Variants in TOX observed in about 807,000 individuals in gnomAD.
The protein encoded by TOX is thymocyte selection associated high mobility group box.
Under a neutral mutation model 53.7 loss-of-function variants are expected in TOX, and 11 were observed. That is an observed-to-expected ratio of 0.20 (90% confidence interval 0.13 to 0.34). TOX has a LOEUF of 0.34. TOX is among the 10% of genes least tolerant of loss of function. The pLI is 1.00. For missense variants in TOX, 570 were observed against 664.6 expected (o/e 0.86, Z 1.56); for synonymous variants, 225 against 245.3 (o/e 0.92, Z 0.77).
chr8:58,874,423 ACTTTGTGAGCG>A (rs1348027283), intron 3 of TOX, among the ~76,000 whole-genome samples: 1 of 152,028 alleles, frequency 6.6e-6, no homozygotes, highest in Non-Finnish European at 1.5e-5. Context: ...GCTTCCTAAG[ACTTTGTGAGCG>A]CTAAGGTAAC....
intron 7 of TOX, among the ~76,000 whole-genome samples, chr8:58,813,344 G>A (rs751287268): frequency 5.9e-5 from 9 of 152,174 alleles, no homozygotes; most frequent in Non-Finnish European, 7.4e-5. Context: ...GCTCCAGCCC[G>A]CAGCATGGTG....
At chr8:59,083,392 C>T (rs1804446605) in intron 1 of TOX, among the ~76,000 whole-genome samples, 1 of 152,020 alleles carries the variant, frequency 6.6e-6, no homozygotes, top group Non-Finnish European at 1.5e-5. Context: ...TATCAACAAT[C>T]AAATAATATT....
At chr8:58,975,014 C>T (rs956679940) in intron 1 of TOX, among the ~76,000 whole-genome samples, 4 of 151,536 alleles carry the variant, frequency 2.6e-5, no homozygotes, top group African/African-American at 7.3e-5. Context: ...TCACAGTATG[C>T]ATTATTTTTT....
At chr8:59,057,615 C>T (rs1423570327) in intron 1 of TOX, among the ~76,000 whole-genome samples, 2 of 152,044 alleles carry the variant, frequency 1.3e-5, no homozygotes, top group African/African-American at 4.8e-5. Flanking sequence ...ATTCTCTCCG[C>T]CCCCCGCCTT....
At chr8:59,102,781 TGGAA>T in intron 1 of TOX, among the ~76,000 whole-genome samples, 1 of 152,068 alleles carries the variant, frequency 6.6e-6, no homozygotes, top group Non-Finnish European at 1.5e-5. Flanking sequence ...CTGCCTGTGG[TGGAA>T]GGAAGAGAAG....
chr8:59,093,232 G>T (rs1192411336), intron 1 of TOX, among the ~76,000 whole-genome samples: 2 of 152,200 alleles, frequency 1.3e-5, no homozygotes, highest in Non-Finnish European at 1.5e-5. Context: ...CTTACTGGTT[G>T]TGAGTTCTTT....
At chr8:59,100,724 G>C (rs1804792113) in intron 1 of TOX, among the ~76,000 whole-genome samples, 1 of 151,962 alleles carries the variant, frequency 6.6e-6, no homozygotes. Context: ...AATGAACACG[G>C]ATTATTTGAC....
chr8:58,836,670 G>T (rs972611551), intron 5 of TOX, among the ~76,000 whole-genome samples: 1 of 152,126 alleles, frequency 6.6e-6, no homozygotes, highest in African/African-American at 2.4e-5. Flanking sequence ...GAGGGACCTG[G>T]AAGAGCAAGT....
At chr8:58,899,168 G>A (rs865972701) in intron 3 of TOX, among the ~76,000 whole-genome samples, 18 of 152,308 alleles carry the variant, frequency 1.2e-4, no homozygotes, top group Middle Eastern at 3.4e-3. Context: ...GTAAAGATCT[G>A]TAAGGTACAG....
chr8:58,845,611 T>C (rs141106206), intron 4 of TOX, among the ~76,000 whole-genome samples: 216 of 152,270 alleles, frequency 1.4e-3, no homozygotes, highest in African/African-American at 5.0e-3. Context: ...AAAATGCATA[T>C]GAAGTGCTAT....
At position 59,118,127 on chromosome 8, in the gene TOX, G is replaced by A. The variant is rs1174571446; in HGVS notation, c.102+759C>T. Among the ~76,000 whole-genome samples, 1 of 152,184 alleles carries A rather than the reference G, an allele frequency of 6.6e-6. No individual in the cohort carries two copies. The highest frequency in any genetic ancestry group is 1.5e-5 in the Non-Finnish European group (1 of 68,030). On this transcript the variant is annotated intron_variant, in intron 1 of 8. Transcript: ENST00000361421. This position sits in a 1 kb window ranked among gnomAD's most constrained non-coding sequence, Gnocchi z 4.1. ...CGCGGCCCTGGCACCCGAGGTCAGC[G>A]GGCCGTGGGTACAGCTCAGCCGCGG...
In TOX at chr8:58,979,956, C is replaced by T. The variant is rs111925563; in HGVS notation, c.103-19948G>A. The stretch of plus-strand genomic sequence containing the variant: ...TCAACAAATGCAACTATTATCTTTA[C>T]ATTAACTTTATCATTTAAAAGATCC... On this transcript the variant is annotated intron_variant, in intron 1 of 8. Transcript: ENST00000361421. 5.3e-5 allele frequency among the ~76,000 whole-genome samples: 8 copies of T among 152,326 alleles called. 1 individual carries two copies. Among genetic ancestry groups the T allele is most frequent in the African/African-American group, 1.4e-4 (6 of 41,588 alleles).
chr8:58,827,344 A>G (rs578243559), intron 5 of TOX, among the ~76,000 whole-genome samples: 175 of 152,328 alleles, frequency 1.1e-3, no homozygotes, highest in Non-Finnish European at 1.4e-3. Context: ...TTTAGAGATG[A>G]CAAATCATGT....
Position 58,999,479 on chromosome 8 carries a change from C to T in TOX, c.103-39471G>A, listed in dbSNP as rs76563143. On this transcript the variant is annotated intron_variant, in intron 1 of 8. Coordinates refer to ENST00000361421, the MANE Select transcript of TOX (RefSeq NM_014729.3). ...ACAAGGGTTGAAAGGGTTGTCAAGA[C>T]TATTGTAGAAATACTGTAGGCCCTG... Among the ~76,000 whole-genome samples, 156 of 152,104 alleles carry T rather than the reference C, an allele frequency of 1.0e-3. 3 individuals carry two copies. In the East Asian group the frequency reaches 0.017, roughly 16 times the overall value.
At chr8:58,855,618 T>G (rs2129168612) in intron 3 of TOX, among the ~76,000 whole-genome samples, 1 of 152,322 alleles carries the variant, frequency 6.6e-6, no homozygotes, top group South Asian at 2.1e-4. Context: ...TTAACTAAAA[T>G]TGGTCTCTTT....
intron 5 of TOX, among the ~76,000 whole-genome samples, chr8:58,834,415 G>A (rs184654407): frequency 6.6e-6 from 1 of 152,152 alleles, no homozygotes; most frequent in Non-Finnish European, 1.5e-5. Context: ...CCTCGAATCT[G>A]CTCCAGGAAC....
chr8:58,810,016 T>C (rs2129163708), intron 7 of TOX, among the ~76,000 whole-genome samples: 1 of 152,324 alleles, frequency 6.6e-6, no homozygotes, highest in South Asian at 2.1e-4. Context: ...GACCGGGTCT[T>C]GCTCTGTCAC....
At chr8:59,105,657 A>C (rs935369219) in intron 1 of TOX, among the ~76,000 whole-genome samples, 6 of 152,120 alleles carry the variant, frequency 3.9e-5, no homozygotes, top group African/African-American at 1.4e-4. Context: ...GGATATCCTA[A>C]GTCCATAAAG....
intron 3 of TOX, among the ~76,000 whole-genome samples, chr8:58,879,374 T>C (rs1811344846): frequency 6.6e-6 from 1 of 152,192 alleles, no homozygotes; most frequent in Admixed American, 6.5e-5. Context: ...TGCAGAATTT[T>C]AAGTAAAAGT....
Sources: allele counts gnomAD v4.1 joint callset (sites outside exome capture counted in the v4.1 genomes callset), GRCh38; gene constraint gnomAD v4.1.1; non-coding constraint Gnocchi (gnomAD v3.1); transcripts MANE v1.5; gene names NCBI Gene and HGNC (gene_info 2026-07-23, HGNC 2026-07-21).